Variants in IQCH observed in about 807,000 individuals in gnomAD.
IQCH encodes the protein IQ motif containing H, also known as IQ domain-containing protein H.
Under a neutral mutation model 117.0 loss-of-function variants are expected in IQCH, and 98 were observed. That is an observed-to-expected ratio of 0.84 (90% confidence interval 0.71 to 0.99). The LOEUF is 0.99. Among genes scored for constraint, IQCH ranks in the 50% least tolerant of loss-of-function variants. The pLI is 0.00. For synonymous variants in IQCH, 412 were observed against 448.2 expected, an observed-to-expected ratio of 0.92 and a Z score of 1.02; for missense variants, 1,102 against 1,243.8, an observed-to-expected ratio of 0.89 and a Z score of 1.72.
chr15:67,347,379 T>A (rs1489831520), intron 6 of IQCH, among the ~76,000 whole-genome samples: 1 of 152,000 alleles, frequency 6.6e-6, no homozygotes, highest in African/African-American at 2.4e-5. Context: ...TAAAAGATGA[T>A]AAGAGAACAT....
intron 4 of IQCH, among the ~76,000 whole-genome samples, chr15:67,283,707 A>G (rs1283918548): frequency 6.6e-6 from 1 of 152,116 alleles, no homozygotes; most frequent in Non-Finnish European, 1.5e-5. Flanking sequence ...GTTTCGATAT[A>G]AAAGTAATGG....
chr15:67,489,871 T>C (rs895418797), intron 18 of IQCH, 132 bp from the exon 19 acceptor site: 26 of 744,508 alleles, frequency 3.5e-5, no homozygotes, highest in South Asian at 1.5e-4. Flanking sequence ...AAATGTGTTC[T>C]CATAATATCT....
intron 10 of IQCH, among the ~76,000 whole-genome samples, chr15:67,379,758 C>A (rs899500329): frequency 1.3e-5 from 2 of 152,202 alleles, no homozygotes; most frequent in Non-Finnish European, 2.9e-5. Context: ...CTTTGTTTCC[C>A]CTTCACCTTC....
chr15:67,384,926 T>C lies in IQCH; in HGVS notation c.1373-10T>C, dbSNP rs1971060370. Reference sequence around the variant, plus strand: ...TCTTTCTGTGTTTTGACACCTTGTTTGCCTTTTAGGGTATTCCCAGCCTGT... The same window carrying C: ...TCTTTCTGTGTTTTGACACCTTGTTCGCCTTTTAGGGTATTCCCAGCCTGT... On this transcript the variant is annotated splice_polypyrimidine_tract_variant and intron_variant, in intron 10 of 20. Coordinates refer to ENST00000335894, the MANE Select transcript of IQCH (RefSeq NM_001031715.3). This position sits in a 1 kb window ranked among gnomAD's most constrained non-coding sequence, Gnocchi z 4.3. 1 of 1,581,948 alleles carries C rather than the reference T, an allele frequency of 6.3e-7. No individual in the cohort carries two copies.
intron 5 of IQCH, among the ~76,000 whole-genome samples, chr15:67,338,235 C>CTATCTATCTATCTATCTATCTATCTATT (rs56991765): frequency 2.1e-4 from 32 of 149,634 alleles, no homozygotes; most frequent in East Asian, 4.0e-4. Context: ...ATCTATCTAT[C>CTATCTATCTATCTATCTATCTATCTATT]TATCTATCTA....
rs1346364051 is a variant in IQCH, at chr15:67,417,789, C to T, written c.2218+738C>T. On this transcript the variant is annotated intron_variant, in intron 15 of 20. Transcript: ENST00000335894. This position sits in a 1 kb window ranked among gnomAD's most constrained non-coding sequence, Gnocchi z 4.3. ...GTCTCTAGGAGGTTACAGTGCAAGA[C>T]ATCTTACATGCTTACCCACATGCAC... Among the ~76,000 whole-genome samples, 1 of 152,132 alleles carries T rather than the reference C, an allele frequency of 6.6e-6. No individual in the cohort carries two copies. The highest frequency in any genetic ancestry group is 2.4e-5 in the African/African-American group (1 of 41,410).
intron 16 of IQCH, among the ~76,000 whole-genome samples, chr15:67,428,633 G>A (rs1359760935): frequency 2.6e-5 from 4 of 152,024 alleles, no homozygotes; most frequent in African/African-American, 9.7e-5. Flanking sequence ...GGTGGATCAC[G>A]AGGTCAGGAG....
chr15:67,267,357 C>T (rs1164232654), intron 3 of IQCH, among the ~76,000 whole-genome samples: 1 of 152,104 alleles, frequency 6.6e-6, no homozygotes, highest in African/African-American at 2.4e-5. Flanking sequence ...GGGGGGCATC[C>T]TAGCATCTGC....
At chr15:67,261,933 T>A (rs1185251370) in intron 2 of IQCH, among the ~76,000 whole-genome samples, 2 of 151,864 alleles carry the variant, frequency 1.3e-5, no homozygotes, top group Non-Finnish European at 1.5e-5. Flanking sequence ...AAAAATTTTT[T>A]AAAAAATTAG....
At chr15:67,326,002 A>G (rs1471921410) in intron 4 of IQCH, among the ~76,000 whole-genome samples, 3 of 152,190 alleles carry the variant, frequency 2.0e-5, no homozygotes, top group Non-Finnish European at 4.4e-5. Context: ...GTTCTAGGGT[A>G]CATGTGCACA....
At chr15:67,375,421 C>G (rs751832432) in intron 10 of IQCH, among the ~76,000 whole-genome samples, 1 of 151,518 alleles carries the variant, frequency 6.6e-6, no homozygotes, top group Non-Finnish European at 1.5e-5. Flanking sequence ...GACACTGTGT[C>G]TAAAAAAATT....
chr15:67,394,781 A>G (rs976464241), intron 12 of IQCH, among the ~76,000 whole-genome samples: 4 of 152,140 alleles, frequency 2.6e-5, no homozygotes, highest in African/African-American at 9.7e-5. Flanking sequence ...AAAAGTGCAT[A>G]TTATCTGAAG....
At chr15:67,302,571 G>A (rs987634333) in intron 4 of IQCH, among the ~76,000 whole-genome samples, 1 of 152,044 alleles carries the variant, frequency 6.6e-6, no homozygotes, top group Admixed American at 6.6e-5. Context: ...TTTAAGAAAT[G>A]CTATTGGTCG....
intron 16 of IQCH, among the ~76,000 whole-genome samples, chr15:67,461,508 A>G (rs1214941693): frequency 6.6e-6 from 1 of 152,200 alleles, no homozygotes; most frequent in African/African-American, 2.4e-5. Flanking sequence ...CTGTGCACAA[A>G]ACAAGCATGC....
intron 5 of IQCH, among the ~76,000 whole-genome samples, chr15:67,339,722 C>A (rs543600800): frequency 3.9e-5 from 6 of 152,260 alleles, no homozygotes; most frequent in South Asian, 2.1e-4. Flanking sequence ...AAAACAATCT[C>A]AAAAACCAAA....
At chr15:67,346,979 T>A (rs1969423441) in intron 6 of IQCH, among the ~76,000 whole-genome samples, 1 of 152,008 alleles carries the variant, frequency 6.6e-6, no homozygotes, top group Non-Finnish European at 1.5e-5. Context: ...TTGAATTAAA[T>A]GGGAATGACC....
At chr15:67,328,029 A>G (rs1371721433) in intron 4 of IQCH, among the ~76,000 whole-genome samples, 1 of 152,172 alleles carries the variant, frequency 6.6e-6, no homozygotes, top group Non-Finnish European at 1.5e-5. Flanking sequence ...CAGAAATTAC[A>G]CACACATAAA....
At chr15:67,332,620 T>C (rs529876163) in intron 4 of IQCH, among the ~76,000 whole-genome samples, 1 of 152,242 alleles carries the variant, frequency 6.6e-6, no homozygotes, top group South Asian at 2.1e-4. Flanking sequence ...AATTATAGAA[T>C]CATGGTACCA....
Position 67,432,859 on chromosome 15 carries a change from T to A in IQCH, c.2505+11282T>A, listed in dbSNP as rs976445084. On this transcript the variant is annotated intron_variant, in intron 16 of 20. Coordinates refer to ENST00000335894, the MANE Select transcript of IQCH (RefSeq NM_001031715.3). This position sits in a 1 kb window ranked among gnomAD's most constrained non-coding sequence, Gnocchi z 5.0. ...GTTCAATAAATATTTATTTAATGAA[T>A]GAATGAATACTTCTCTAAATCCCCC... Among the ~76,000 whole-genome samples, 9 of 152,208 alleles carry A rather than the reference T, an allele frequency of 5.9e-5. No homozygotes were observed. Among genetic ancestry groups the A allele is most frequent in the African/African-American group, 2.2e-4 (9 of 41,454 alleles).
Sources: allele counts gnomAD v4.1 joint callset (sites outside exome capture counted in the v4.1 genomes callset), GRCh38; gene constraint gnomAD v4.1.1; non-coding constraint Gnocchi (gnomAD v3.1); transcripts MANE v1.5; gene names NCBI Gene and HGNC (gene_info 2026-07-23, HGNC 2026-07-21).